Variants in FBXL17 observed in about 807,000 individuals in gnomAD.
FBXL17 encodes the protein F-box and leucine rich repeat protein 17.
In FBXL17, 22 loss-of-function variants were observed where a neutral mutation model predicts 66.2. The observed-to-expected ratio is 0.33, with a 90% CI of 0.24 to 0.47. The LOEUF (loss-of-function observed/expected upper bound fraction) is 0.47. FBXL17 is among the 20% of genes least tolerant of loss of function. The pLI is 1.00. For missense variants in FBXL17, 878 were observed against 948.2 expected (o/e 0.93, Z 0.97); for synonymous variants, 474 against 400.5 (o/e 1.18, Z -2.19).
At chr5:108,252,811 C>G (rs769307533) in intron 4 of FBXL17, among the ~76,000 whole-genome samples, 1 of 152,152 alleles carries the variant, frequency 6.6e-6, no homozygotes, top group Non-Finnish European at 1.5e-5. Flanking sequence ...CACCCCAAAG[C>G]TGGGTAAAAG....
At chr5:108,108,853 G>A (rs28469876) in intron 6 of FBXL17, among the ~76,000 whole-genome samples, 4,363 of 146,908 alleles carry the variant, frequency 0.03, 194 homozygotes, top group African/African-American at 0.1. Flanking sequence ...GTGTGATCTC[G>A]GCTCACTGCA....
intron 5 of FBXL17, among the ~76,000 whole-genome samples, chr5:108,216,793 A>G (rs1487671007): frequency 2.6e-5 from 4 of 152,134 alleles, no homozygotes; most frequent in South Asian, 2.1e-4. Context: ...CAATAAGGGA[A>G]CTAGCACGGG....
At chr5:108,056,792 G>A (rs1249102661) in intron 6 of FBXL17, among the ~76,000 whole-genome samples, 1 of 152,046 alleles carries the variant, frequency 6.6e-6, no homozygotes, top group Non-Finnish European at 1.5e-5. Flanking sequence ...ATCTTAGATG[G>A]GACAATAATT....
chr5:108,102,391 T>G (rs1749634943), intron 6 of FBXL17, among the ~76,000 whole-genome samples: 1 of 152,192 alleles, frequency 6.6e-6, no homozygotes, highest in Admixed American at 6.5e-5. Context: ...AACCATGAGT[T>G]TGGAAGGTAG....
At chr5:107,969,868 ATATGT>A (rs1752302687) in intron 7 of FBXL17, among the ~76,000 whole-genome samples, 1 of 152,138 alleles carries the variant, frequency 6.6e-6, no homozygotes, top group Admixed American at 6.6e-5. Context: ...AATTTATATG[ATATGT>A]TAGTAAGCTA....
chr5:108,067,434 C>G (rs1748158892), intron 6 of FBXL17, among the ~76,000 whole-genome samples: 1 of 151,898 alleles, frequency 6.6e-6, no homozygotes, highest in African/African-American at 2.4e-5. Flanking sequence ...TAAAAGGAGA[C>G]AAATTACTAC....
intron 4 of FBXL17, among the ~76,000 whole-genome samples, chr5:108,315,210 T>C (rs965420628): frequency 6.6e-6 from 1 of 151,142 alleles, no homozygotes; most frequent in Non-Finnish European, 1.5e-5. Context: ...GGAATTCTCA[T>C]TTATCTTTTT....
chr5:108,120,061 C>T (rs968785325), intron 6 of FBXL17, among the ~76,000 whole-genome samples: 3 of 152,198 alleles, frequency 2.0e-5, no homozygotes, highest in African/African-American at 7.2e-5. Flanking sequence ...TTCATTCCCA[C>T]TCCAAAAACT....
intron 8 of FBXL17, among the ~76,000 whole-genome samples, chr5:107,863,762 T>A (rs1490619195): frequency 2.0e-5 from 3 of 152,156 alleles, no homozygotes; most frequent in African/African-American, 7.2e-5. Context: ...GACACTAACA[T>A]ACTAATCAAG....
intron 4 of FBXL17, among the ~76,000 whole-genome samples, chr5:108,272,094 T>A: frequency 6.6e-6 from 1 of 152,086 alleles, no homozygotes; most frequent in East Asian, 2.0e-4. Context: ...ATCGAGACCA[T>A]CCTGGCTAAC....
intron 5 of FBXL17, among the ~76,000 whole-genome samples, chr5:108,214,368 CTTTTT>C (rs70996986): frequency 6.2e-5 from 8 of 129,662 alleles, no homozygotes; most frequent in Admixed American, 6.1e-4. Flanking sequence ...TATTAATTGA[CTTTTT>C]TTTTTTTTTT....
At chr5:108,111,232 G>GAAAGA (rs1007832545) in intron 6 of FBXL17, among the ~76,000 whole-genome samples, 1 of 147,636 alleles carries the variant, frequency 6.8e-6, no homozygotes, top group Non-Finnish European at 1.5e-5. Context: ...AAAAAAAAAA[G>GAAAGA]AAAGAAAAGA....
intron 4 of FBXL17, among the ~76,000 whole-genome samples, chr5:108,255,530 T>C (rs978507708): frequency 5.9e-5 from 9 of 152,170 alleles, no homozygotes; most frequent in African/African-American, 2.2e-4. Context: ...ATCAATAGGC[T>C]TTCCTGGTTT....
chr5:108,328,410 C>G (rs1260979587), intron 4 of FBXL17, among the ~76,000 whole-genome samples: 1 of 151,582 alleles, frequency 6.6e-6, no homozygotes, highest in Non-Finnish European at 1.5e-5. Context: ...AAATTATCAA[C>G]AAGATAACAT....
intron 6 of FBXL17, among the ~76,000 whole-genome samples, chr5:108,144,017 T>TAAAAAAAAAAAAAAAAAAA (rs1751463986): frequency 6.6e-6 from 1 of 151,988 alleles, no homozygotes; most frequent in African/African-American, 2.4e-5. Flanking sequence ...CTGCAGCTTT[T>TAAAAAAAAAAAAAAAAAAA]AAAAAATACA....
At chr5:108,059,847 C>T (rs288143) in intron 6 of FBXL17, among the ~76,000 whole-genome samples, 31,517 of 151,690 alleles carry the variant, frequency 0.21, 3,645 homozygotes, top group South Asian at 0.45. Flanking sequence ...ATATGGATAA[C>T]TTGGGGGAAA....
In FBXL17 at chr5:108,373,086, T is replaced by C. The variant is rs186342201; in HGVS notation, c.994-5133A>G. Among the ~76,000 whole-genome samples, 184 of 150,898 alleles carry C rather than the reference T, an allele frequency of 1.2e-3. 1 individual carries two copies. Among genetic ancestry groups the C allele is most frequent in the African/African-American group, 4.3e-3 (178 of 41,258 alleles). Reference sequence around the variant, plus strand: ...ATTCAAACTAAATTGTTATAATATATAGTGTTAATTATAACCCCCAGGGTA... The same window carrying C: ...ATTCAAACTAAATTGTTATAATATACAGTGTTAATTATAACCCCCAGGGTA... On this transcript the variant is annotated intron_variant, in intron 1 of 8. Coordinates refer to ENST00000542267, the MANE Select transcript of FBXL17 (RefSeq NM_001163315.3).
At chr5:108,330,591 G>A (rs1007467041) in intron 4 of FBXL17, among the ~76,000 whole-genome samples, 2 of 152,050 alleles carry the variant, frequency 1.3e-5, no homozygotes, top group African/African-American at 4.8e-5. Context: ...AGAACACTTC[G>A]TAAAGCAAAG....
At chr5:107,947,895 T>C (rs1249467806) in intron 7 of FBXL17, among the ~76,000 whole-genome samples, 1 of 152,136 alleles carries the variant, frequency 6.6e-6, no homozygotes, top group African/African-American at 2.4e-5. Flanking sequence ...CTCTATTCCT[T>C]TTCTACCTAA....
Sources: allele counts gnomAD v4.1 joint callset (sites outside exome capture counted in the v4.1 genomes callset), GRCh38; gene constraint gnomAD v4.1.1; transcripts MANE v1.5; gene names NCBI Gene and HGNC (gene_info 2026-07-23, HGNC 2026-07-21).